CACHD1: variants seen among roughly 807,000 people sequenced by gnomAD.
CACHD1 encodes the protein cache domain containing 1.
Under a neutral mutation model 138.7 loss-of-function variants are expected in CACHD1, and 71 were observed. The observed-to-expected ratio is 0.51, with a 90% CI of 0.42 to 0.62. CACHD1 has a LOEUF of 0.62. CACHD1 is among the 20% of genes least tolerant of loss of function. The pLI is 0.00. For missense variants in CACHD1, 1,389 were observed against 1,625.3 expected, an observed-to-expected ratio of 0.85 and a Z score of 2.50; for synonymous variants, 578 against 591.5, an observed-to-expected ratio of 0.98 and a Z score of 0.33.
At position 64,685,732 on chromosome 1, in the gene CACHD1, G is replaced by C. The variant is rs147328461; in HGVS notation, c.3586+3626G>C. Among the ~76,000 whole-genome samples the C allele has an allele frequency of 9.0e-3, 1,375 of 152,096 alleles. 30 individuals carry two copies. Among genetic ancestry groups the C allele is most frequent in the African/African-American group, 0.031 (1,292 of 41,458 alleles). On this transcript the variant is annotated intron_variant, in intron 26 of 26. Transcript: ENST00000651257. ...ACGTGCCTGTAGTCCCAGCTACTCG[G>C]GAGACTGAGGTGGGAAGATCACTTG...
At position 64,647,892 on chromosome 1, in the gene CACHD1, GC is replaced by G; in HGVS notation, c.1250del (p.Pro417LeufsTer2). On this transcript the variant is annotated frameshift_variant, in exon 9 of 27. Coordinates refer to ENST00000651257, the MANE Select transcript of CACHD1 (RefSeq NM_020925.4). LOFTEE classifies it high-confidence loss of function. ...KYGVPDRMAL[P>X]VIKGSMMVLN... ...ACGGTGTGCCAGACCGGATGGCCTT[GC>G]CTGTGATTAAGGGCAGCATGATGGT... 2 of 1,614,120 alleles carry G rather than the reference GC, an allele frequency of 1.2e-6. No homozygotes were observed. Among genetic ancestry groups the G allele is most frequent in the South Asian group, 2.2e-5 (2 of 91,076 alleles).
intron 2 of CACHD1, among the ~76,000 whole-genome samples, chr1:64,576,833 C>A (rs1570382978): frequency 6.6e-6 from 1 of 151,666 alleles, no homozygotes; most frequent in African/African-American, 2.4e-5. Flanking sequence ...GTAATTTGAA[C>A]AATTTAAAAT....
intron 2 of CACHD1, among the ~76,000 whole-genome samples, chr1:64,573,280 G>A (rs746446732): frequency 2.4e-4 from 37 of 152,100 alleles, no homozygotes; most frequent in Non-Finnish European, 8.8e-5. Flanking sequence ...TATAAGACGA[G>A]GAAGAGACAG....
intron 1 of CACHD1, among the ~76,000 whole-genome samples, chr1:64,493,762 C>T (rs532291926): frequency 3.2e-4 from 48 of 152,330 alleles, no homozygotes; most frequent in African/African-American, 1.0e-3. Context: ...CCCTGCCACA[C>T]ACACCTTTTC....
chr1:64,601,068 C>A (rs1451469256), intron 3 of CACHD1, among the ~76,000 whole-genome samples: 2 of 152,078 alleles, frequency 1.3e-5, no homozygotes, highest in African/African-American at 4.8e-5. Context: ...CTGGTCTAGA[C>A]CAGCAGTGGT....
At chr1:64,658,443 A>C (rs1054400922) in intron 12 of CACHD1, among the ~76,000 whole-genome samples, 6 of 151,824 alleles carry the variant, frequency 4.0e-5, no homozygotes, top group African/African-American at 1.5e-4. Context: ...TTTCAAAGGG[A>C]CTCCTTTCTT....
In CACHD1 at chr1:64,675,552, A is replaced by C. The variant is rs1649957529; in HGVS notation, c.2879A>C (p.Asn960Thr). 1 of 1,606,792 alleles carries C rather than the reference A, an allele frequency of 6.2e-7. No individual in the cohort carries two copies. Among genetic ancestry groups the C allele is most frequent in the African/African-American group, 1.3e-5 (1 of 74,868 alleles). Residue 960 changes from asparagine to threonine, a missense_variant, in exon 20 of 27, where the codon AAC becomes ACC. By Grantham distance (65) the Asn-to-Thr change is moderately conservative. Coordinates refer to ENST00000651257, the MANE Select transcript of CACHD1 (RefSeq NM_020925.4). ...ACSMVDRLCL[N>T]CHRMEQNECE... ...AGCATGGTGGACCGACTCTGTCTCA[A>C]CTGTCACCGGTAAAAATGCAATGGG...
intron 1 of CACHD1, among the ~76,000 whole-genome samples, chr1:64,484,321 G>A (rs959760231): frequency 6.6e-6 from 1 of 151,934 alleles, no homozygotes. Context: ...AGCGGTTTAG[G>A]GGGTCTAGCA....
intron 4 of CACHD1, among the ~76,000 whole-genome samples, chr1:64,616,066 T>G (rs1315093392): frequency 6.6e-6 from 1 of 152,188 alleles, no homozygotes; most frequent in Non-Finnish European, 1.5e-5. Context: ...GATAGATTGC[T>G]TAAGATGAAG....
intron 13 of CACHD1, among the ~76,000 whole-genome samples, chr1:64,660,693 G>A (rs1649414914): frequency 6.6e-6 from 1 of 151,902 alleles, no homozygotes; most frequent in Non-Finnish European, 1.5e-5. Context: ...ACCACGCCCG[G>A]CTAATTTTTG....
chr1:64,675,829 C>A, intron 20 of CACHD1, 68 bp from the exon 21 acceptor site: 1 of 1,069,634 alleles, frequency 9.3e-7, no homozygotes, highest in South Asian at 1.6e-5. Context: ...ATTTTGCTTC[C>A]CCAGCACATG....
chr1:64,655,640 T>G (rs913168163), intron 12 of CACHD1, among the ~76,000 whole-genome samples: 2 of 152,226 alleles, frequency 1.3e-5, no homozygotes, highest in African/African-American at 4.8e-5. Flanking sequence ...CTTACCAGAT[T>G]CTTTCAGACA....
intron 13 of CACHD1, among the ~76,000 whole-genome samples, chr1:64,659,087 T>A (rs1053638028): frequency 6.6e-6 from 1 of 152,158 alleles, no homozygotes; most frequent in African/African-American, 2.4e-5. Flanking sequence ...TCGCGATTTA[T>A]ATAGGATGGG....
chr1:64,619,741 G>C (rs1166356962), intron 4 of CACHD1, among the ~76,000 whole-genome samples: 1 of 152,060 alleles, frequency 6.6e-6, no homozygotes, highest in Admixed American at 6.6e-5. Flanking sequence ...CGTGATCCCC[G>C]CACTGTGCCT....
chr1:64,471,507 C>T (rs909301593), intron 1 of CACHD1, among the ~76,000 whole-genome samples: 1 of 152,194 alleles, frequency 6.6e-6, no homozygotes, highest in Non-Finnish European at 1.5e-5. Context: ...ACCTAGGTCC[C>T]GGCGGAGAGC....
At chr1:64,615,408 G>A (rs1443986139) in intron 4 of CACHD1, among the ~76,000 whole-genome samples, 2 of 152,138 alleles carry the variant, frequency 1.3e-5, no homozygotes, top group Non-Finnish European at 2.9e-5. Flanking sequence ...GGCCTTCCAG[G>A]GTTGTGTTGG....
At chr1:64,690,083 G>A (rs1650499034) in intron 26 of CACHD1, among the ~76,000 whole-genome samples, 2 of 152,182 alleles carry the variant, frequency 1.3e-5, no homozygotes, top group South Asian at 2.1e-4. Flanking sequence ...GCTGATATTT[G>A]TTTCATTTCT....
At chr1:64,680,144 G>A (rs1424342549) in intron 24 of CACHD1, among the ~76,000 whole-genome samples, 1 of 152,186 alleles carries the variant, frequency 6.6e-6, no homozygotes, top group Non-Finnish European at 1.5e-5. Context: ...GATTGCAGCT[G>A]CCATTATGTA....
At chr1:64,487,927 TATA>T (rs1280799754) in intron 1 of CACHD1, among the ~76,000 whole-genome samples, 1 of 152,242 alleles carries the variant, frequency 6.6e-6, no homozygotes, top group Non-Finnish European at 1.5e-5. Context: ...AGCTTCAAAA[TATA>T]ATATGTTTTA....
Sources: allele counts gnomAD v4.1 joint callset (sites outside exome capture counted in the v4.1 genomes callset), GRCh38; gene constraint gnomAD v4.1.1; transcripts MANE v1.5; gene names NCBI Gene and HGNC (gene_info 2026-07-23, HGNC 2026-07-21).